Variants in WDFY3 observed in about 807,000 individuals in gnomAD.
WDFY3 encodes WD repeat and FYVE domain-containing protein 3.
WDFY3 carries 66 observed loss-of-function variants against 409.6 expected under a neutral mutation model. The ratio of observed to expected loss-of-function variants is 0.16; its 90% confidence interval spans 0.13 to 0.20. The LOEUF (loss-of-function observed/expected upper bound fraction) is 0.20. Ranked by LOEUF, WDFY3 falls within the 10% of genes least tolerant of loss-of-function variation. WDFY3 has a pLI of 1.00. For synonymous variants in WDFY3, 1,521 were observed against 1,537.1 expected (o/e 0.99, Z 0.25); for missense variants, 3,031 against 4,298.1 (o/e 0.71, Z 8.24).
chr4:84,858,731 A>T (rs1288688893), intron 4 of WDFY3, among the ~76,000 whole-genome samples: 1 of 151,492 alleles, frequency 6.6e-6, no homozygotes, highest in Non-Finnish European at 1.5e-5. Context: ...AAAATAATAT[A>T]GACAACAAGT....
chr4:84,683,903 T>A, intron 63 of WDFY3, 40 bp downstream of exon 63: 6 of 1,535,146 alleles, frequency 3.9e-6, no homozygotes, highest in Non-Finnish European at 4.4e-6. Context: ...TAAACTAGGA[T>A]GACAAATATC....
intron 2 of WDFY3, among the ~76,000 whole-genome samples, chr4:84,901,465 GCCCCCA>G (rs1193242829): frequency 6.6e-6 from 1 of 152,102 alleles, no homozygotes; most frequent in Admixed American, 6.5e-5. Flanking sequence ...CAGCAAGCAG[GCCCCCA>G]CCAGAGGGAG....
At chr4:84,918,828 GATATATATATAC>G (rs1768868714) in intron 2 of WDFY3, among the ~76,000 whole-genome samples, 1 of 145,474 alleles carries the variant, frequency 6.9e-6, no homozygotes, top group Admixed American at 6.9e-5. Context: ...TATATATATA[GATATATATATAC>G]ACACACACAC....
At chr4:84,850,779 T>C (rs1758805768) in intron 4 of WDFY3, among the ~76,000 whole-genome samples, 1 of 151,982 alleles carries the variant, frequency 6.6e-6, no homozygotes, top group South Asian at 2.1e-4. Context: ...ATTTCCTCAG[T>C]CTAATCACAA....
intron 1 of WDFY3, among the ~76,000 whole-genome samples, chr4:84,937,772 C>T (rs1360021251): frequency 6.6e-6 from 1 of 152,082 alleles, no homozygotes; most frequent in Non-Finnish European, 1.5e-5. Flanking sequence ...CATTTCCTAC[C>T]AACTTCCTTG....
intron 20 of WDFY3, 23 bp downstream of exon 20, chr4:84,794,856 A>G (rs752491441): frequency 6.4e-7 from 1 of 1,551,978 alleles, no homozygotes. Context: ...AAAACTCATA[A>G]GCAGAAAGCA....
intron 3 of WDFY3, among the ~76,000 whole-genome samples, chr4:84,861,981 A>G (rs1236870379): frequency 6.6e-6 from 1 of 152,248 alleles, no homozygotes; most frequent in Non-Finnish European, 1.5e-5. Flanking sequence ...AAAAGCAGGC[A>G]ACACCTGAGA....
intron 58 of WDFY3, among the ~76,000 whole-genome samples, chr4:84,695,501 GAGAGAGAT>G (rs1308717469): frequency 9.9e-5 from 13 of 131,526 alleles, no homozygotes; most frequent in African/African-American, 2.6e-4. Context: ...CACAGAGACA[GAGAGAGAT>G]AGAGAGAGAG....
At chr4:84,735,977 G>A (rs1406967462) in intron 42 of WDFY3, among the ~76,000 whole-genome samples, 193 bp downstream of exon 42, 2 of 151,886 alleles carry the variant, frequency 1.3e-5, no homozygotes, top group African/African-American at 4.8e-5. Flanking sequence ...TTATAAAATG[G>A]GTATAAGTAA....
chr4:84,729,198 T>C (rs1253108372), intron 44 of WDFY3, among the ~76,000 whole-genome samples: 4 of 152,036 alleles, frequency 2.6e-5, no homozygotes, highest in South Asian at 4.1e-4. Context: ...AAGGGAATTA[T>C]AGAATTAAAG....
At chr4:84,691,243 C>T (rs1232507460) in intron 60 of WDFY3, among the ~76,000 whole-genome samples, 1 of 152,002 alleles carries the variant, frequency 6.6e-6, no homozygotes, top group Non-Finnish European at 1.5e-5. Flanking sequence ...TTTCTGCCAG[C>T]TTGTTTGGAG....
At chr4:84,878,423 G>GA (rs533177325) in intron 3 of WDFY3, among the ~76,000 whole-genome samples, 178 of 152,018 alleles carry the variant, frequency 1.2e-3, no homozygotes, top group African/African-American at 4.1e-3. Flanking sequence ...CCTCACAAAT[G>GA]AAAAAAATAT....
chr4:84,863,975 C>T (rs1225743925), intron 3 of WDFY3, among the ~76,000 whole-genome samples: 2 of 152,118 alleles, frequency 1.3e-5, no homozygotes, highest in African/African-American at 4.8e-5. Flanking sequence ...CAGGAAATGA[C>T]ACTTTCAGTT....
intron 3 of WDFY3, 51 bp from the exon 4 acceptor site, chr4:84,860,673 A>T: frequency 7.2e-7 from 1 of 1,389,382 alleles, no homozygotes; most frequent in Non-Finnish European, 9.5e-7. Flanking sequence ...CATCTTGACT[A>T]GGTCAAGCAT....
chr4:84,923,389 C>A (rs536740826), intron 2 of WDFY3, among the ~76,000 whole-genome samples: 17 of 152,348 alleles, frequency 1.1e-4, no homozygotes, highest in South Asian at 8.3e-4. Context: ...CAAGCCCCCC[C>A]ACCTTATTAC....
intron 27 of WDFY3, among the ~76,000 whole-genome samples, chr4:84,775,912 G>C (rs1745472695): frequency 6.6e-6 from 1 of 151,790 alleles, no homozygotes; most frequent in South Asian, 2.1e-4. Flanking sequence ...GACTTTTCCA[G>C]ATGACAGAAT....
At chr4:84,831,693 G>C (rs1755763075) in intron 7 of WDFY3, 88 bp from the exon 8 acceptor site, 1 of 1,208,932 alleles carries the variant, frequency 8.3e-7, no homozygotes, top group Non-Finnish European at 1.1e-6. Context: ...TGAATGGACT[G>C]CTCTCAAAAG....
At chr4:84,701,543 A>G (rs1470457526) in intron 56 of WDFY3, among the ~76,000 whole-genome samples, 1 of 152,240 alleles carries the variant, frequency 6.6e-6, no homozygotes, top group African/African-American at 2.4e-5. Context: ...TGAAAAAAAT[A>G]TAAAACAACA....
chr4:84,895,979 T>C (rs1416604956), intron 3 of WDFY3, among the ~76,000 whole-genome samples: 1 of 151,978 alleles, frequency 6.6e-6, no homozygotes, highest in Non-Finnish European at 1.5e-5. Flanking sequence ...TGAAAGAGGC[T>C]GGGCGCAGTG....
Sources: allele counts gnomAD v4.1 joint callset (sites outside exome capture counted in the v4.1 genomes callset), GRCh38; gene constraint gnomAD v4.1.1; transcripts MANE v1.5; gene names NCBI Gene and HGNC (gene_info 2026-07-23, HGNC 2026-07-21).